Variants in RFC3 observed in about 807,000 individuals in gnomAD.
The protein encoded by RFC3 is A1 38 kDa subunit.
Under a neutral mutation model 45.1 loss-of-function variants are expected in RFC3, and 41 were observed. That is an observed-to-expected ratio of 0.91 (90% CI 0.71 to 1.18). The LOEUF is 1.18. Among genes scored for constraint, RFC3 ranks in the 50% most tolerant of loss-of-function variants. RFC3 has a pLI of 0.00. For synonymous variants in RFC3, 149 were observed against 144.0 expected (o/e 1.03, Z -0.25); for missense variants, 423 against 428.1 (o/e 0.99, Z 0.10).
intron 8 of RFC3, among the ~76,000 whole-genome samples, chr13:33,881,701 T>C (rs2082485800): frequency 6.6e-6 from 1 of 152,170 alleles, no homozygotes; most frequent in African/African-American, 2.4e-5. Context: ...CCTCTGTCCC[T>C]GTTCTTGTAC....
chr13:33,963,512 C>T (rs1281426549), intron 8 of RFC3, among the ~76,000 whole-genome samples: 1 of 152,224 alleles, frequency 6.6e-6, no homozygotes, highest in Non-Finnish European at 1.5e-5. Flanking sequence ...AATTAATTAT[C>T]GTTGATGAAA....
chr13:33,883,106 T>A (rs1229505836), intron 8 of RFC3, among the ~76,000 whole-genome samples: 1 of 152,236 alleles, frequency 6.6e-6, no homozygotes, highest in Non-Finnish European at 1.5e-5. Flanking sequence ...AAATGTAACT[T>A]TTTGTTTCTC....
Position 33,821,842 on chromosome 13 carries a change from A to G in RFC3, c.225+573A>G, listed in dbSNP as rs755770926. ...AATGTATCCTTCCTTTTCATACCCC[A>G]TTAGAATTAACTTTTCTTCTACAAC... On this transcript the variant is annotated intron_variant, in intron 2 of 8. Coordinates refer to ENST00000380071, the MANE Select transcript of RFC3 (RefSeq NM_002915.4). Among the ~76,000 whole-genome samples the G allele has an allele frequency of 5.3e-5, 8 of 152,216 alleles. No individual in the cohort carries two copies. The East Asian group carries it at 9.6e-4, about 18-fold the overall frequency.
At chr13:33,895,546 T>C (rs2082592392) in intron 8 of RFC3, among the ~76,000 whole-genome samples, 1 of 152,202 alleles carries the variant, frequency 6.6e-6, no homozygotes, top group African/African-American at 2.4e-5. Context: ...AGTGGGAATG[T>C]AAATTAGTGT....
intron 8 of RFC3, among the ~76,000 whole-genome samples, chr13:33,895,450 T>C (rs2082591745): frequency 6.6e-6 from 1 of 152,146 alleles, no homozygotes; most frequent in Non-Finnish European, 1.5e-5. Flanking sequence ...ACCACCTTAC[T>C]CCAGCTAGAA....
chr13:33,936,537 A>T (rs576996152), intron 8 of RFC3, among the ~76,000 whole-genome samples: 1 of 152,284 alleles, frequency 6.6e-6, no homozygotes, highest in African/African-American at 2.4e-5. Flanking sequence ...GACTGAAAAA[A>T]GGGGAAAATT....
chr13:33,880,970 T>G lies in RFC3; in HGVS notation c.879+45753T>G, dbSNP rs538579345. ...ACTCGGGAGGCTGAGGAAGGAGAAT[T>G]GCTTGAATCCAGGAGGCAGAGGTTG... On this transcript the variant is annotated intron_variant, in intron 8 of 8. Transcript: ENST00000434425. Among the ~76,000 whole-genome samples the G allele has an allele frequency of 3.9e-5, 6 of 152,132 alleles. No individual in the cohort carries two copies. The South Asian group carries it at 1.2e-3, about 32-fold the overall frequency.
chr13:33,835,999 A>G, intron 8 of RFC3, 105 bp from the exon 9 acceptor site: 5 of 1,186,538 alleles, frequency 4.2e-6, no homozygotes, highest in Non-Finnish European at 5.8e-6. Flanking sequence ...TCTCACACAT[A>G]TAAAGAGAGT....
intron 3 of RFC3, 46 bp from the exon 4 acceptor site, chr13:33,825,743 A>T: frequency 4.8e-6 from 5 of 1,041,106 alleles, no homozygotes; most frequent in Non-Finnish European, 6.8e-6. Context: ...TCTTATAATA[A>T]CAATATTAAG....
At chr13:33,900,534 C>CTAAAT (rs60889151) in intron 8 of RFC3, among the ~76,000 whole-genome samples, 17,324 of 151,232 alleles carry the variant, frequency 0.11, 2,009 homozygotes, top group African/African-American at 0.3. Context: ...GAAAAAAAAA[C>CTAAAT]GTATTAAGAC....
chr13:33,902,494 C>T (rs2082647798), intron 8 of RFC3, among the ~76,000 whole-genome samples: 2 of 151,996 alleles, frequency 1.3e-5, no homozygotes, highest in Admixed American at 1.3e-4. Flanking sequence ...TTGCATCTGG[C>T]AGTAAAGCCT....
At chr13:33,923,821 A>G (rs887383537) in intron 8 of RFC3, among the ~76,000 whole-genome samples, 9 of 152,116 alleles carry the variant, frequency 5.9e-5, no homozygotes, top group African/African-American at 2.2e-4. Flanking sequence ...AGAGCTTTCT[A>G]AGCCCCAAGG....
At chr13:33,897,228 A>G (rs972845836) in intron 8 of RFC3, among the ~76,000 whole-genome samples, 1 of 152,078 alleles carries the variant, frequency 6.6e-6, no homozygotes, top group Non-Finnish European at 1.5e-5. Context: ...CAATATAAAA[A>G]TATGTAAATT....
intron 8 of RFC3, among the ~76,000 whole-genome samples, chr13:33,871,905 G>T (rs1012274917): frequency 3.9e-5 from 6 of 152,152 alleles, no homozygotes; most frequent in Non-Finnish European, 7.3e-5. Context: ...TTCAGTTAGA[G>T]ACTGGTTCAG....
chr13:33,907,237 C>T (rs987897941), intron 8 of RFC3, among the ~76,000 whole-genome samples: 1 of 152,032 alleles, frequency 6.6e-6, no homozygotes, highest in African/African-American at 2.4e-5. Flanking sequence ...TATTCCTAAA[C>T]CCTTGCTTTT....
At position 33,952,542 on chromosome 13, in the gene RFC3, G is replaced by A. The variant is rs368173856; in HGVS notation, c.880-13545G>A. Among the ~76,000 whole-genome samples, 6 of 152,302 alleles carry A rather than the reference G, an allele frequency of 3.9e-5. No individual in the cohort carries two copies. The East Asian group carries it at 7.7e-4, about 20-fold the overall frequency. On this transcript the variant is annotated intron_variant, in intron 8 of 8. Transcript: ENST00000434425. ...CGCACAGGAATGTTGAGCTGATTAA[G>A]TAAGTAGGAATAAAGAATGCTGTTC...
chr13:33,942,223 AT>A (rs2082928931), intron 8 of RFC3, among the ~76,000 whole-genome samples: 1 of 151,896 alleles, frequency 6.6e-6, no homozygotes, highest in Non-Finnish European at 1.5e-5. Context: ...ATGCATTGTA[AT>A]TTTTTTGCCT....
Position 33,823,985 on chromosome 13 carries a change from G to A in RFC3, c.293+1G>A. The A allele has an allele frequency of 1.3e-6, 2 of 1,483,798 alleles. No individual in the cohort carries two copies. The highest frequency in any genetic ancestry group is 1.9e-6 in the Non-Finnish European group (2 of 1,074,944). 91.9% of individuals were successfully genotyped at this position (1,483,798 alleles called of 1,614,324 possible). On this transcript the variant is annotated splice_donor_variant, in intron 3 of 8. Coordinates refer to ENST00000380071, the MANE Select transcript of RFC3 (RefSeq NM_002915.4). LOFTEE classifies it high-confidence loss of function. ...ACTACCACCTTGAAGTTAATCCTAG[G>A]TAAGTTACTACTATATAGAAATTAA...
intron 8 of RFC3, among the ~76,000 whole-genome samples, chr13:33,863,218 C>T (rs537755365): frequency 6.6e-6 from 1 of 152,266 alleles, no homozygotes; most frequent in South Asian, 2.1e-4. Flanking sequence ...GAAAACAATA[C>T]ATACATATAT....
Sources: allele counts gnomAD v4.1 joint callset (sites outside exome capture counted in the v4.1 genomes callset), GRCh38; gene constraint gnomAD v4.1.1; transcripts MANE v1.5; gene names NCBI Gene and HGNC (gene_info 2026-07-23, HGNC 2026-07-21).